NRXN3: variants seen among roughly 807,000 people sequenced by gnomAD.
NRXN3 encodes the protein neurexin 3, also known as neurexin III.
In NRXN3, 32 loss-of-function variants were observed where a neutral mutation model predicts 137.6. The observed-to-expected ratio is 0.23, with a 90% CI of 0.18 to 0.31. NRXN3 has a LOEUF of 0.31. Ranked by LOEUF, NRXN3 falls within the 10% of genes least tolerant of loss-of-function variation. The pLI is 1.00. For missense variants in NRXN3, 1,574 were observed against 2,062.5 expected (o/e 0.76, Z 4.59); for synonymous variants, 798 against 784.5 (o/e 1.02, Z -0.29).
chr14:79,092,033 A>G (rs2049295613), intron 15 of NRXN3, among the ~76,000 whole-genome samples: 1 of 152,180 alleles, frequency 6.6e-6, no homozygotes, highest in Non-Finnish European at 1.5e-5. Context: ...AATTAGCTGC[A>G]TATTTTTCTG....
At chr14:78,669,240 C>G (rs1039232098) in intron 6 of NRXN3, among the ~76,000 whole-genome samples, 11 of 151,356 alleles carry the variant, frequency 7.3e-5, no homozygotes, top group African/African-American at 2.7e-4. Context: ...TAATAATAAG[C>G]TAAAGGAAGT....
intron 8 of NRXN3, among the ~76,000 whole-genome samples, chr14:78,749,060 A>G (rs2098628527): frequency 6.6e-6 from 1 of 152,110 alleles, no homozygotes; most frequent in African/African-American, 2.4e-5. Context: ...CAAATAAGAG[A>G]GTCTGGCCAC....
intron 15 of NRXN3, among the ~76,000 whole-genome samples, chr14:79,151,771 G>A (rs1243729780): frequency 6.6e-6 from 1 of 151,936 alleles, no homozygotes; most frequent in Non-Finnish European, 1.5e-5. Flanking sequence ...TAGTTGCTGA[G>A]ACAATTGTCC....
chr14:78,564,158 T>C (rs571449724), intron 4 of NRXN3, among the ~76,000 whole-genome samples: 1 of 152,320 alleles, frequency 6.6e-6, no homozygotes, highest in African/African-American at 2.4e-5. Flanking sequence ...AATTTCTCCC[T>C]TATAATAATA....
chr14:78,631,791 A>G (rs2097525100), intron 4 of NRXN3, among the ~76,000 whole-genome samples: 1 of 152,018 alleles, frequency 6.6e-6, no homozygotes, highest in African/African-American at 2.4e-5. Context: ...CAGCATCTGT[A>G]AATGGTTAAA....
chr14:78,615,135 T>G (rs1481278863), intron 4 of NRXN3: 1 of 456,092 alleles, frequency 2.2e-6, no homozygotes, highest in African/African-American at 2.0e-5. Flanking sequence ...AATGGTCATA[T>G]TACCATGATA....
intron 4 of NRXN3, among the ~76,000 whole-genome samples, chr14:78,471,331 CA>C (rs891339401): frequency 0.011 from 103 of 9,720 alleles, no homozygotes; most frequent in African/African-American, 0.041. Context: ...CACACACACA[CA>C]CCCCCAAGAA....
At chr14:78,410,817 T>A (rs2092782361) in intron 4 of NRXN3, among the ~76,000 whole-genome samples, 1 of 152,152 alleles carries the variant, frequency 6.6e-6, no homozygotes, top group African/African-American at 2.4e-5. Context: ...ATATATGGGG[T>A]TACTAGAAGG....
chr14:79,485,546 TCTC>T (rs2096647910), intron 16 of NRXN3, among the ~76,000 whole-genome samples: 2 of 152,248 alleles, frequency 1.3e-5, no homozygotes, highest in East Asian at 3.9e-4. Context: ...TCTTACCACT[TCTC>T]CTCACATTTT....
intron 20 of NRXN3, among the ~76,000 whole-genome samples, chr14:79,841,229 A>G (rs78228094): frequency 0.029 from 4,453 of 152,224 alleles, 95 homozygotes; most frequent in Non-Finnish European, 0.046. Flanking sequence ...CCTTGGTGGT[A>G]TTGATTTTAT....
chr14:79,575,931 T>A (rs1004689114), intron 16 of NRXN3, among the ~76,000 whole-genome samples: 1 of 152,200 alleles, frequency 6.6e-6, no homozygotes, highest in East Asian at 1.9e-4. Context: ...TTGGCCAAGT[T>A]ATGCTATTTT....
chr14:79,561,075 C>T (rs2097491372), intron 16 of NRXN3, among the ~76,000 whole-genome samples: 2 of 152,310 alleles, frequency 1.3e-5, no homozygotes, highest in Non-Finnish European at 2.9e-5. Context: ...AATTGCTCCA[C>T]ACCACTTCTG....
At position 79,852,211 on chromosome 14, in the gene NRXN3, A is replaced by G. The variant is rs145435897; in HGVS notation, c.4094-9131A>G. On this transcript the variant is annotated intron_variant, in intron 20 of 20. Transcript: ENST00000335750. The stretch of plus-strand genomic sequence containing the variant: ...TGTATTTTGATTCCAATTCCTGTCA[A>G]TACAGGTTCTAGTTCAACTCCCAAC... Among the ~76,000 whole-genome samples the G allele has an allele frequency of 1.9e-4, 27 of 145,608 alleles. No individual in the cohort carries two copies. The East Asian group carries it at 3.5e-3, about 19-fold the overall frequency.
Position 79,647,025 on chromosome 14 carries a change from C to A in NRXN3, c.3445-16753C>A, listed in dbSNP as rs139748039. Reference sequence around the variant, plus strand: ...CTGTGGCCAGGTCTAAGTGTTGCCCCAATCCGTTCTCCCATCCAACTCCAC... The same window carrying A: ...CTGTGGCCAGGTCTAAGTGTTGCCCAAATCCGTTCTCCCATCCAACTCCAC... On this transcript the variant is annotated intron_variant, in intron 16 of 20. Transcript: ENST00000335750. 2.8e-3 allele frequency among the ~76,000 whole-genome samples: 381 copies of A among 135,396 alleles called. 23 individuals carry two copies. The highest frequency in any genetic ancestry group is 8.9e-3 in the African/African-American group (361 of 40,776). The allele number at this position is 135,396 out of a possible 152,430, so 88.8% of individuals were successfully genotyped here. A position where few individuals can be genotyped will look rare whatever the true frequency, so the allele number is the denominator to read the frequency against.
chr14:78,898,554 C>CGTGTGTGTGTGT (rs66861661), intron 10 of NRXN3, among the ~76,000 whole-genome samples: 8 of 136,344 alleles, frequency 5.9e-5, no homozygotes, highest in East Asian at 4.5e-4. Flanking sequence ...AGCTGGGTTT[C>CGTGTGTGTGTGT]GTGTGTGTGT....
intron 1 of NRXN3, among the ~76,000 whole-genome samples, chr14:78,181,245 G>A (rs554517412): frequency 1.3e-5 from 2 of 152,294 alleles, no homozygotes; most frequent in African/African-American, 4.8e-5. Flanking sequence ...TTTACAAAAC[G>A]GGTGTCTGCA....
intron 18 of NRXN3, 84 bp from the exon 19 acceptor site, chr14:79,697,546 A>G: frequency 6.9e-7 from 1 of 1,439,898 alleles, no homozygotes; most frequent in Non-Finnish European, 9.4e-7. Context: ...GAAGCCTGTT[A>G]TGATGCCTGG....
chr14:78,393,846 T>C (rs2091097083), intron 4 of NRXN3, among the ~76,000 whole-genome samples: 1 of 152,014 alleles, frequency 6.6e-6, no homozygotes, highest in South Asian at 2.1e-4. Context: ...TCTAAGTGCT[T>C]TAAGTTTTTG....
intron 15 of NRXN3, among the ~76,000 whole-genome samples, chr14:79,088,579 G>T (rs2048574811): frequency 6.6e-6 from 1 of 152,024 alleles, no homozygotes; most frequent in Admixed American, 6.6e-5. Context: ...TATGACTTGG[G>T]CTTAAGAAGT....
Sources: allele counts gnomAD v4.1 joint callset (sites outside exome capture counted in the v4.1 genomes callset), GRCh38; gene constraint gnomAD v4.1.1; transcripts MANE v1.5; gene names NCBI Gene and HGNC (gene_info 2026-07-23, HGNC 2026-07-21).